Variants in KCNQ5 observed in about 807,000 individuals in gnomAD.
The protein encoded by KCNQ5 is potassium voltage-gated channel subfamily KQT member 5.
KCNQ5 carries 30 observed loss-of-function variants against 98.2 expected under a neutral mutation model. That is an observed-to-expected ratio of 0.31 (90% CI 0.23 to 0.41). The LOEUF (loss-of-function observed/expected upper bound fraction) is 0.41. KCNQ5 is among the 10% of genes least tolerant of loss of function. The pLI, the probability that KCNQ5 is intolerant of heterozygous loss-of-function variation, is 1.00. For missense variants in KCNQ5, 835 were observed against 1,182.5 expected, an observed-to-expected ratio of 0.71 and a Z score of 4.31; for synonymous variants, 458 against 449.4, an observed-to-expected ratio of 1.02 and a Z score of -0.24.
At chr6:73,069,101 G>T (rs1773195840) in intron 3 of KCNQ5, among the ~76,000 whole-genome samples, 2 of 152,100 alleles carry the variant, frequency 1.3e-5, no homozygotes, top group African/African-American at 4.8e-5. Context: ...ACTAGAAATT[G>T]TAAAGAACTT....
intron 1 of KCNQ5, among the ~76,000 whole-genome samples, chr6:72,883,290 G>T (rs1470548515): frequency 6.6e-6 from 1 of 152,194 alleles, no homozygotes; most frequent in South Asian, 2.1e-4. Context: ...GATGCCTCCT[G>T]TTCTCAAAAG....
At chr6:72,714,209 C>T (rs886177100) in intron 1 of KCNQ5, among the ~76,000 whole-genome samples, 1 of 152,212 alleles carries the variant, frequency 6.6e-6, no homozygotes, top group Non-Finnish European at 1.5e-5. Context: ...GTCTTAATCT[C>T]TACCTAATTA....
chr6:72,711,305 C>T (rs1227594345), intron 1 of KCNQ5, among the ~76,000 whole-genome samples: 2 of 152,112 alleles, frequency 1.3e-5, no homozygotes, highest in Non-Finnish European at 2.9e-5. Flanking sequence ...TGATCTTGGA[C>T]TCCCAGCCTT....
intron 1 of KCNQ5, among the ~76,000 whole-genome samples, chr6:72,867,854 G>T (rs1034088041): frequency 6.6e-6 from 1 of 151,956 alleles, no homozygotes; most frequent in Non-Finnish European, 1.5e-5. Context: ...AGGATTGCTT[G>T]AGCCTCAACA....
chr6:72,982,549 T>C (rs1429364668), intron 1 of KCNQ5, among the ~76,000 whole-genome samples: 1 of 147,176 alleles, frequency 6.8e-6, no homozygotes, highest in Non-Finnish European at 1.5e-5. Flanking sequence ...CATCTCTTTA[T>C]CTTGAGCCTA....
intron 1 of KCNQ5, among the ~76,000 whole-genome samples, chr6:72,664,917 T>A (rs1203601628): frequency 6.6e-6 from 1 of 152,204 alleles, no homozygotes; most frequent in Non-Finnish European, 1.5e-5. Context: ...CTCATAAATC[T>A]CCCCTATTGA....
chr6:73,020,074 G>T (rs191665394), intron 2 of KCNQ5, among the ~76,000 whole-genome samples: 3 of 152,058 alleles, frequency 2.0e-5, no homozygotes, highest in African/African-American at 4.8e-5. Context: ...TTCCCTACAC[G>T]CAAAGCAAGC....
At chr6:72,844,159 TA>T (rs1249769583) in intron 1 of KCNQ5, among the ~76,000 whole-genome samples, 1 of 152,118 alleles carries the variant, frequency 6.6e-6, no homozygotes, top group African/African-American at 2.4e-5. Flanking sequence ...ACTTAAAGTA[TA>T]ATAATAAAAA....
intron 1 of KCNQ5, among the ~76,000 whole-genome samples, chr6:72,791,612 T>A (rs1240463973): frequency 6.6e-6 from 1 of 152,204 alleles, no homozygotes; most frequent in African/African-American, 2.4e-5. Context: ...AAGACTAATG[T>A]GCAGCAAAAG....
intron 1 of KCNQ5, among the ~76,000 whole-genome samples, chr6:72,897,735 A>G (rs1296370944): frequency 1.3e-5 from 2 of 152,206 alleles, no homozygotes; most frequent in Non-Finnish European, 2.9e-5. Flanking sequence ...TGGCTCCATT[A>G]GGACAGGCCC....
At chr6:72,755,825 A>G (rs1039453856) in intron 1 of KCNQ5, among the ~76,000 whole-genome samples, 4 of 152,106 alleles carry the variant, frequency 2.6e-5, no homozygotes, top group Admixed American at 6.6e-5. Flanking sequence ...ATAGCCCACA[A>G]TTTCCATCTG....
In KCNQ5 at chr6:73,120,545, C is replaced by T. The variant is rs757135342; in HGVS notation, c.1188C>T (p.His396=). The T allele has an allele frequency of 1.2e-5, 20 of 1,611,544 alleles. No homozygotes were observed. Among genetic ancestry groups the T allele is most frequent in the Admixed American group, 1.7e-5 (1 of 59,914 alleles). ...TTTCCATTGCAACCTGGAAGCCACA[C>T]TTGAAGGCCTTGCACACCTGCAGCC... ...KSVSIATWKP[H]LKALHTCSPT... Residue 396 remains histidine (H), a synonymous_variant, in exon 8 of 14, where the codon CAC becomes CAT. Coordinates refer to ENST00000370398, the MANE Select transcript of KCNQ5 (RefSeq NM_019842.4).
At chr6:72,663,972 C>T (rs1002556974) in intron 1 of KCNQ5, among the ~76,000 whole-genome samples, 2 of 152,214 alleles carry the variant, frequency 1.3e-5, no homozygotes, top group South Asian at 2.1e-4. Flanking sequence ...GACCATCACC[C>T]TACTCCCCAG....
intron 1 of KCNQ5, among the ~76,000 whole-genome samples, chr6:72,754,291 G>A (rs1448607910): frequency 1.3e-5 from 2 of 151,964 alleles, no homozygotes; most frequent in Non-Finnish European, 2.9e-5. Context: ...ATTTTTATTT[G>A]TGTAATAGTT....
In KCNQ5 at chr6:73,034,860, T is replaced by TTTA. The variant is rs1771324055; in HGVS notation, c.490-7074_490-7073insATT. ...TTTTCTTTTTTTTTTTTTTTTTTTT[T>TTTA]TTTGAGACAGTATCTCGCTCTGTTG... On this transcript the variant is annotated intron_variant, in intron 2 of 13. Coordinates refer to ENST00000370398, the MANE Select transcript of KCNQ5 (RefSeq NM_019842.4). 5.5e-5 allele frequency among the ~76,000 whole-genome samples: 7 copies of TTTA among 127,470 alleles called. 2 individuals carry two copies. Among genetic ancestry groups the TTTA allele is most frequent in the East Asian group, 4.1e-4 (2 of 4,838 alleles). 83.6% of individuals were successfully genotyped at this position (127,470 alleles called of 152,430 possible).
At chr6:72,771,514 G>C (rs1237296492) in intron 1 of KCNQ5, among the ~76,000 whole-genome samples, 1 of 151,944 alleles carries the variant, frequency 6.6e-6, no homozygotes, top group African/African-American at 2.4e-5. Context: ...GTTCATTGTG[G>C]TTTTGCTTTG....
chr6:73,096,622 A>G (rs1774512623), intron 5 of KCNQ5, among the ~76,000 whole-genome samples: 1 of 152,182 alleles, frequency 6.6e-6, no homozygotes, highest in Non-Finnish European at 1.5e-5. Flanking sequence ...CTTTTCTTTC[A>G]TTGTAAATTG....
chr6:72,649,637 T>C (rs1196829914), intron 1 of KCNQ5, among the ~76,000 whole-genome samples: 1 of 152,196 alleles, frequency 6.6e-6, no homozygotes, highest in Non-Finnish European at 1.5e-5. Flanking sequence ...GTAATGGTTC[T>C]TGAATGCTTC....
At chr6:72,816,973 A>G (rs1775531756) in intron 1 of KCNQ5, among the ~76,000 whole-genome samples, 1 of 152,208 alleles carries the variant, frequency 6.6e-6, no homozygotes, top group Admixed American at 6.5e-5. Context: ...AGGTACAACT[A>G]TTTCACTGAC....
Sources: gnomAD v4.1 joint callset for allele counts (sites outside exome capture counted in the v4.1 genomes callset) on GRCh38, gnomAD v4.1.1 for gene constraint, MANE v1.5 for transcripts, NCBI Gene and HGNC (gene_info 2026-07-23, HGNC 2026-07-21) for gene names.